The following EYA4 variants were observed in gnomAD, a reference collection of about 807,000 sequenced individuals.
The protein encoded by EYA4 is EYA transcriptional coactivator and phosphatase 4.
A neutral mutation model predicts 87.9 loss-of-function variants in EYA4; 31 were observed. The ratio of observed to expected loss-of-function variants is 0.35; its 90% CI spans 0.27 to 0.48. The LOEUF (loss-of-function observed/expected upper bound fraction) is 0.48, where lower values mean the gene tolerates loss of function less well. Among genes scored for constraint, EYA4 ranks in the 20% least tolerant of loss-of-function variants. EYA4 has a pLI of 0.99. For synonymous variants in EYA4, 263 were observed against 270.6 expected, an observed-to-expected ratio of 0.97 and a Z score of 0.28; for missense variants, 678 against 761.4, an observed-to-expected ratio of 0.89 and a Z score of 1.29.
intron 3 of EYA4, among the ~76,000 whole-genome samples, chr6:133,386,641 C>T (rs1049299836): frequency 6.6e-6 from 1 of 152,012 alleles, no homozygotes; most frequent in Non-Finnish European, 1.5e-5. Context: ...TTATTTTATA[C>T]TCGTTTTGTT....
At chr6:133,321,409 G>A (rs1439394800) in intron 2 of EYA4, among the ~76,000 whole-genome samples, 1 of 152,042 alleles carries the variant, frequency 6.6e-6, no homozygotes, top group Non-Finnish European at 1.5e-5. Flanking sequence ...CAGTTGTTCT[G>A]TGCTGTCTGC....
intron 2 of EYA4, among the ~76,000 whole-genome samples, chr6:133,324,468 A>G (rs1393861295): frequency 6.6e-6 from 1 of 152,176 alleles, no homozygotes; most frequent in Non-Finnish European, 1.5e-5. Flanking sequence ...TGATTCAGCA[A>G]CATTCTATTT....
intron 3 of EYA4, among the ~76,000 whole-genome samples, chr6:133,441,419 G>A (rs1270392915): frequency 2.6e-5 from 4 of 152,090 alleles, no homozygotes; most frequent in African/African-American, 7.2e-5. Flanking sequence ...AATGGCACTC[G>A]AATATAAAAT....
chr6:133,307,877 TG>T (rs763866326), intron 2 of EYA4, among the ~76,000 whole-genome samples: 6 of 152,116 alleles, frequency 3.9e-5, no homozygotes, highest in Non-Finnish European at 7.4e-5. Context: ...TATCTTGAAT[TG>T]CAGCTCCCTC....
intron 17 of EYA4, among the ~76,000 whole-genome samples, chr6:133,517,568 G>A (rs1399165191): frequency 6.6e-6 from 1 of 152,052 alleles, no homozygotes; most frequent in African/African-American, 2.4e-5. Context: ...GAACATGAAA[G>A]TAAATGAATA....
intron 3 of EYA4, among the ~76,000 whole-genome samples, chr6:133,411,818 A>G (rs899953887): frequency 7.9e-5 from 12 of 152,296 alleles, no homozygotes; most frequent in African/African-American, 2.9e-4. Context: ...AAATCTTCTC[A>G]TATTCCTGAT....
intron 2 of EYA4, among the ~76,000 whole-genome samples, chr6:133,300,834 TTA>T (rs1489706896): frequency 6.6e-6 from 1 of 152,218 alleles, no homozygotes; most frequent in African/African-American, 2.4e-5. Context: ...TGGAGGAATA[TTA>T]TGAGACTCTT....
chr6:133,481,512 T>C lies in EYA4; in HGVS notation c.1020T>C (p.Asp340=). ...QSPSTPIKDL[D]ERTCRSSGSK... is the part of the protein sequence containing the mutation. Reference sequence around the variant, plus strand: ...CCTCCACACCCATCAAAGATCTTGATGAGAGAACCTGTAGGAGTTCTGGGT... The same window carrying C: ...CCTCCACACCCATCAAAGATCTTGACGAGAGAACCTGTAGGAGTTCTGGGT... The change falls in exon 12 of 20, where the codon GAT becomes GAC. Residue 340 remains aspartate (D), a synonymous_variant. Transcript: ENST00000355286. 6.2e-7 allele frequency: 1 copy of C among 1,613,306 alleles called. No homozygotes were observed. The highest frequency in any genetic ancestry group is 1.3e-5 in the African/African-American group (1 of 75,000).
At chr6:133,287,935 C>T (rs1385784829) in intron 2 of EYA4, among the ~76,000 whole-genome samples, 3 of 151,994 alleles carry the variant, frequency 2.0e-5, no homozygotes, top group Non-Finnish European at 4.4e-5. Flanking sequence ...AGGTGACCAG[C>T]CTGGCCAACA....
intron 3 of EYA4, among the ~76,000 whole-genome samples, chr6:133,429,491 C>T (rs761099035): frequency 7.2e-5 from 11 of 152,006 alleles, no homozygotes; most frequent in Non-Finnish European, 1.3e-4. Flanking sequence ...ACCCCAGAGA[C>T]ACACCATGGA....
At chr6:133,361,304 T>G (rs1430454442) in intron 2 of EYA4, among the ~76,000 whole-genome samples, 1 of 152,202 alleles carries the variant, frequency 6.6e-6, no homozygotes, top group Non-Finnish European at 1.5e-5. Context: ...AAGGGCAGGC[T>G]TGTTTACTGC....
At chr6:133,247,292 A>G (rs550957179) in intron 1 of EYA4, 28 of 152,374 alleles carry the variant, frequency 1.8e-4, no homozygotes, top group African/African-American at 6.5e-4. Flanking sequence ...TCAAGAACTT[A>G]TGACCAGATC....
chr6:133,249,020 T>C (rs1774665438), intron 1 of EYA4, among the ~76,000 whole-genome samples: 1 of 152,202 alleles, frequency 6.6e-6, no homozygotes, highest in Non-Finnish European at 1.5e-5. Flanking sequence ...GTTTCGTTCA[T>C]GAAAATGGTT....
chr6:133,269,328 A>G (rs1002129004), intron 1 of EYA4, among the ~76,000 whole-genome samples: 35 of 152,194 alleles, frequency 2.3e-4, no homozygotes, highest in African/African-American at 7.2e-4. Context: ...ATAATCCACC[A>G]TATCCTATAT....
chr6:133,335,356 A>T (rs1023045986), intron 2 of EYA4, among the ~76,000 whole-genome samples: 3 of 152,240 alleles, frequency 2.0e-5, no homozygotes, highest in African/African-American at 7.2e-5. Flanking sequence ...TGTCCTAAAC[A>T]TAAGTGAAAA....
intron 3 of EYA4, among the ~76,000 whole-genome samples, chr6:133,421,044 A>G (rs1258167778): frequency 1.3e-5 from 2 of 152,244 alleles, no homozygotes; most frequent in Non-Finnish European, 2.9e-5. Flanking sequence ...AGACACCTTT[A>G]AAGAATTATT....
At chr6:133,394,535 C>G (rs2128502036) in intron 3 of EYA4, among the ~76,000 whole-genome samples, 1 of 151,192 alleles carries the variant, frequency 6.6e-6, no homozygotes, top group South Asian at 2.1e-4. Flanking sequence ...TCTAGCAAAC[C>G]TCACCCATAC....
At chr6:133,382,911 T>G (rs1786355941) in intron 3 of EYA4, among the ~76,000 whole-genome samples, 1 of 152,166 alleles carries the variant, frequency 6.6e-6, no homozygotes, top group Admixed American at 6.5e-5. Context: ...GTTTGGGTTG[T>G]TTGGAGCCTG....
intron 12 of EYA4, 67 bp downstream of exon 12, chr6:133,481,666 C>T (rs1268659030): frequency 1.6e-5 from 25 of 1,526,256 alleles, no homozygotes; most frequent in Non-Finnish European, 2.2e-5. Context: ...CATTCTCTAT[C>T]TTACAGTTCC....
Sources: gnomAD v4.1 joint callset for allele counts (sites outside exome capture counted in the v4.1 genomes callset) on GRCh38, gnomAD v4.1.1 for gene constraint, MANE v1.5 for transcripts, NCBI Gene and HGNC (gene_info 2026-07-23, HGNC 2026-07-21) for gene names.